The following AUTS2 variants were observed in gnomAD, a reference collection of about 807,000 sequenced individuals.
AUTS2 encodes autism susceptibility gene 2 protein.
AUTS2 carries 17 observed loss-of-function variants against 112.4 expected under a neutral mutation model. The observed-to-expected ratio is 0.15, with a 90% confidence interval of 0.10 to 0.23. The LOEUF (loss-of-function observed/expected upper bound fraction) is 0.23. AUTS2 is among the 10% of genes least tolerant of loss of function. The pLI, the probability that AUTS2 is intolerant of heterozygous loss-of-function variation, is 1.00. For missense variants in AUTS2, 1,510 were observed against 1,701.6 expected (o/e 0.89, Z 1.98); for synonymous variants, 751 against 702.7 (o/e 1.07, Z -1.09).
chr7:70,654,247 G>T (rs1806653546), intron 5 of AUTS2, among the ~76,000 whole-genome samples: 1 of 152,148 alleles, frequency 6.6e-6, no homozygotes, highest in Non-Finnish European at 1.5e-5. Context: ...TAAACCAGGG[G>T]TCAGCAAACT....
At position 70,789,705 on chromosome 7, in the gene AUTS2, C is replaced by CT. The variant is rs751864372; in HGVS notation, c.2532-40dup. 22 of 1,584,038 alleles carry CT rather than the reference C, an allele frequency of 1.4e-5. No individual in the cohort carries two copies. In the South Asian group the frequency reaches 2.6e-4, roughly 18 times the overall value. On this transcript the variant is annotated intron_variant, in intron 18 of 18. Coordinates refer to ENST00000342771, the MANE Select transcript of AUTS2 (RefSeq NM_015570.4). ...AGCCCCTGGCCCGGCCGACTCGCCC[C>CT]TTTCATTTCATCTGCGTCCTTGTCT...
In AUTS2 at chr7:70,126,984, G is replaced by T. The variant is rs553014172; in HGVS notation, c.625-7552G>T. On this transcript the variant is annotated intron_variant, in intron 3 of 18. Transcript: ENST00000342771. ...TGAGATTACAGGCATACACCACCAC[G>T]CCTGGCTAATTTTTGAATTTTTAGT... Among the ~76,000 whole-genome samples the T allele has an allele frequency of 7.9e-5, 12 of 152,076 alleles. No homozygotes were observed. In the South Asian group the frequency reaches 2.5e-3, roughly 32 times the overall value.
chr7:70,559,711 C>T (rs745409887), intron 5 of AUTS2, among the ~76,000 whole-genome samples: 1 of 152,138 alleles, frequency 6.6e-6, no homozygotes, highest in Non-Finnish European at 1.5e-5. Context: ...CCTTTCCTTC[C>T]ATTAAACTCA....
At chr7:70,511,561 CTTTTTTTTTTTTTT>C (rs3974587) in intron 5 of AUTS2, among the ~76,000 whole-genome samples, 2 of 70,104 alleles carry the variant, frequency 2.9e-5, no homozygotes, top group African/African-American at 6.0e-5. Context: ...TTTTCATTTT[CTTTTTTTTTTTTTT>C]TTTTTTTTTT....
At position 70,764,905 on chromosome 7, in the gene AUTS2, C is replaced by A; in HGVS notation, c.1368C>A (p.His456Gln). 6.2e-7 allele frequency: 1 copy of A among 1,606,838 alleles called. No individual in the cohort carries two copies. The highest frequency in any genetic ancestry group is 8.5e-7 in the Non-Finnish European group (1 of 1,177,678). The part of the protein sequence containing the change: ...PTLQPPAHSH[H>Q]PNMFAPPTAL... ...TCCAGCCCCCCGCACACTCACATCACCCCAATATGTTTGCCCCTCCCACTG... is the reference window on the plus strand; with the variant it reads ...TCCAGCCCCCCGCACACTCACATCAACCCAATATGTTTGCCCCTCCCACTG... Residue 456 changes from histidine to glutamine, a missense_variant, in exon 8 of 19, where the codon CAC (histidine) becomes CAA (glutamine). Around this residue, in one of 3 missense-constraint regions of AUTS2, gnomAD observed 535 missense variants for 594.3 expected, o/e 0.90. Transcript: ENST00000342771.
chr7:70,728,916 A>G (rs1001138529), intron 6 of AUTS2, among the ~76,000 whole-genome samples: 1 of 151,966 alleles, frequency 6.6e-6, no homozygotes, highest in African/African-American at 2.4e-5. Flanking sequence ...TTCCTTAACA[A>G]TGCTCCCTGA....
chr7:69,792,979 T>A (rs1460910509), intron 1 of AUTS2, among the ~76,000 whole-genome samples: 1 of 152,178 alleles, frequency 6.6e-6, no homozygotes, highest in Non-Finnish European at 1.5e-5. Context: ...TGTTGAGATT[T>A]GCTTTGTGGA....
intron 1 of AUTS2, among the ~76,000 whole-genome samples, chr7:69,637,095 T>C (rs560225759): frequency 9.2e-5 from 14 of 152,290 alleles, no homozygotes; most frequent in African/African-American, 2.9e-4. Flanking sequence ...GTCTGCATAA[T>C]AGTCAATTGT....
At position 70,639,091 on chromosome 7, in the gene AUTS2, G is replaced by A. The variant is rs925344038; in HGVS notation, c.691-59478G>A. Among the ~76,000 whole-genome samples the A allele has an allele frequency of 3.3e-5, 5 of 152,054 alleles. No homozygotes were observed. In the South Asian group the frequency reaches 8.3e-4, roughly 25 times the overall value. Reference sequence around the variant, plus strand: ...CTCTTACAAATGTAAAAAAGTTGCCGCAAAAGATTAAGCGCATAATATATG... The same window carrying A: ...CTCTTACAAATGTAAAAAAGTTGCCACAAAAGATTAAGCGCATAATATATG... On this transcript the variant is annotated intron_variant, in intron 5 of 18. Transcript: ENST00000342771.
chr7:70,418,090 T>TGA, intron 4 of AUTS2, among the ~76,000 whole-genome samples: 1 of 145,186 alleles, frequency 6.9e-6, no homozygotes, highest in Non-Finnish European at 1.5e-5. Flanking sequence ...TGTGTGTGTG[T>TGA]GTGTGTGTGT....
chr7:70,779,093 T>C (rs572609005), intron 14 of AUTS2, among the ~76,000 whole-genome samples: 18 of 152,330 alleles, frequency 1.2e-4, no homozygotes, highest in African/African-American at 3.6e-4. Context: ...TTGTGGTTAA[T>C]GGAACTGTGC....
intron 5 of AUTS2, among the ~76,000 whole-genome samples, chr7:70,462,882 C>T (rs546953267): frequency 2.6e-5 from 4 of 151,770 alleles, no homozygotes; most frequent in Non-Finnish European, 4.4e-5. Flanking sequence ...TGCTTGAACC[C>T]GGGAAGCGGA....
At chr7:70,471,329 G>C (rs1797373505) in intron 5 of AUTS2, among the ~76,000 whole-genome samples, 1 of 152,112 alleles carries the variant, frequency 6.6e-6, no homozygotes. Context: ...TCTAGGGGTA[G>C]AATGGGGGAA....
chr7:70,730,678 TA>T (rs1787333095), intron 6 of AUTS2, among the ~76,000 whole-genome samples: 1 of 141,656 alleles, frequency 7.1e-6, no homozygotes, highest in South Asian at 2.5e-4. Flanking sequence ...AAGTTGCTTC[TA>T]TTTTTTTGGC....
chr7:70,218,784 T>G (rs1811309215), intron 4 of AUTS2, among the ~76,000 whole-genome samples: 1 of 152,198 alleles, frequency 6.6e-6, no homozygotes, highest in South Asian at 2.1e-4. Flanking sequence ...AAACATCTTT[T>G]GCTTACCCTC....
At chr7:70,712,106 C>A (rs1810086891) in intron 6 of AUTS2, among the ~76,000 whole-genome samples, 1 of 151,176 alleles carries the variant, frequency 6.6e-6, no homozygotes, top group Admixed American at 6.6e-5. Flanking sequence ...CTCGCTGCAA[C>A]CTCCACTTTC....
chr7:69,976,702 A>T (rs1182625477), intron 2 of AUTS2, among the ~76,000 whole-genome samples: 2 of 152,330 alleles, frequency 1.3e-5, no homozygotes, highest in Admixed American at 6.5e-5. Flanking sequence ...TCTAATGATT[A>T]GTGATGTTGA....
chr7:70,235,365 G>A (rs1246139812), intron 4 of AUTS2, among the ~76,000 whole-genome samples: 8 of 151,356 alleles, frequency 5.3e-5, no homozygotes, highest in South Asian at 2.1e-4. Flanking sequence ...CTTGAACTCC[G>A]GGCCTCAAGT....
chr7:69,877,904 C>A (rs181818407), intron 1 of AUTS2, among the ~76,000 whole-genome samples: 1 of 152,132 alleles, frequency 6.6e-6, no homozygotes, highest in East Asian at 1.9e-4. Flanking sequence ...AGGACATCAC[C>A]AGAGTCATGG....
Sources: gnomAD v4.1 joint callset for allele counts (sites outside exome capture counted in the v4.1 genomes callset) on GRCh38, gnomAD v4.1.1 for gene constraint, gnomAD v4.1.1 regional missense constraint, MANE v1.5 for transcripts, NCBI Gene and HGNC (gene_info 2026-07-23, HGNC 2026-07-21) for gene names.